The following PSMD1 variants were observed in gnomAD, a reference collection of about 807,000 sequenced individuals.
PSMD1 encodes the protein proteasome 26S subunit, non-ATPase 1.
Under a neutral mutation model 119.0 loss-of-function variants are expected in PSMD1, and 18 were observed. That is an observed-to-expected ratio of 0.15 (90% CI 0.10 to 0.22). The LOEUF is 0.22. PSMD1 is among the 10% of genes least tolerant of loss of function. PSMD1 has a pLI of 1.00. For synonymous variants in PSMD1, 374 were observed against 396.6 expected (o/e 0.94, Z 0.68); for missense variants, 702 against 1,158.5 (o/e 0.61, Z 5.72).
chr2:231,098,620 C>T (rs1694786613), intron 16 of PSMD1, among the ~76,000 whole-genome samples: 1 of 151,918 alleles, frequency 6.6e-6, no homozygotes, highest in Non-Finnish European at 1.5e-5. Context: ...GCCACTTATG[C>T]TGCTGTTCTC....
chr2:231,062,781 A>G (rs1693791898), intron 4 of PSMD1, 106 bp downstream of exon 4: 2 of 967,028 alleles, frequency 2.1e-6, no homozygotes, highest in Non-Finnish European at 1.4e-6. Context: ...TTTCATTTTA[A>G]TTGGAAGTTC....
rs377482540 is a variant in PSMD1 at position 231,080,302 on chromosome 2, C to T, written c.1401C>T (p.Asn467=). 1.2e-4 allele frequency: 197 copies of T among 1,601,992 alleles called. 1 individual carries two copies. The highest frequency in any genetic ancestry group is 1.5e-4 in the Non-Finnish European group (174 of 1,173,316). ...ACTATCTGCTTAATCAGCTTAAGAA[C>T]GCCAGCAATGATGTAAGTATTAAAA... ...IIDYLLNQLK[N]ASNDIVRHGG... The change falls in exon 12 of 25, where the codon AAC becomes AAT. Residue 467 remains asparagine (N), a synonymous_variant. Transcript: ENST00000308696.
intron 10 of PSMD1, 108 bp downstream of exon 10, chr2:231,078,855 T>C (rs1694237531): frequency 1.4e-6 from 1 of 739,454 alleles, no homozygotes; most frequent in Non-Finnish European, 2.0e-6. Context: ...AGGGCAGTGA[T>C]GCGATCTCGG....
Position 231,056,969 on chromosome 2 carries a change from G to C in PSMD1, c.-57G>C. On this transcript the variant is annotated 5_prime_UTR_variant, in exon 1 of 25. Coordinates refer to ENST00000308696, the MANE Select transcript of PSMD1 (RefSeq NM_002807.4). ...GAACTGAGCGGCCCCTGAGCTGACA[G>C]ATACACTGCGCAGCTGGAACGGCGA... The C allele has an allele frequency of 1.9e-6, 3 of 1,539,632 alleles. No individual in the cohort carries two copies. Among genetic ancestry groups the C allele is most frequent in the South Asian group, 1.2e-5 (1 of 83,904 alleles).
At chr2:231,091,837 G>C (rs1559226594) in intron 16 of PSMD1, among the ~76,000 whole-genome samples, 1 of 152,112 alleles carries the variant, frequency 6.6e-6, no homozygotes, top group Non-Finnish European at 1.5e-5. Context: ...ACTATGTATT[G>C]GTTGATTCCA....
intron 19 of PSMD1, 63 bp downstream of exon 19, chr2:231,153,729 G>C (rs959479040): frequency 8.7e-7 from 1 of 1,150,260 alleles, no homozygotes; most frequent in African/African-American, 1.6e-5. Context: ...ATAACTATCT[G>C]CTCTAACTAT....
intron 21 of PSMD1, 158 bp from the exon 22 acceptor site, chr2:231,165,027 TATATATTTATATATA>T (rs1696730299): frequency 3.3e-5 from 1 of 30,244 alleles, no homozygotes; most frequent in African/African-American, 1.3e-4. Flanking sequence ...CTTTGATTTA[TATATATTTATATATA>T]TATATATATA....
intron 2 of PSMD1, among the ~76,000 whole-genome samples, chr2:231,062,034 A>G (rs1173724142): frequency 6.6e-6 from 1 of 152,230 alleles, no homozygotes; most frequent in African/African-American, 2.4e-5. Context: ...TTAATTGTTT[A>G]TATTCAAAGA....
chr2:231,070,610 AT>A (rs1278113663), intron 6 of PSMD1, among the ~76,000 whole-genome samples: 1 of 152,104 alleles, frequency 6.6e-6, no homozygotes, highest in Non-Finnish European at 1.5e-5. Flanking sequence ...CTATATATAA[AT>A]TTGCTTGCAC....
intron 19 of PSMD1, among the ~76,000 whole-genome samples, chr2:231,155,323 G>A (rs1231932763): frequency 6.6e-6 from 1 of 152,064 alleles, no homozygotes; most frequent in Non-Finnish European, 1.5e-5. Context: ...AGTCAACTAG[G>A]AATGTGTGTA....
chr2:231,087,270 A>G (rs1046490089), intron 16 of PSMD1, 89 bp downstream of exon 16: 2 of 1,121,218 alleles, frequency 1.8e-6, no homozygotes, highest in South Asian at 1.3e-5. Flanking sequence ...CAGTTTAGTC[A>G]CTAAACAAAA....
chr2:231,083,045 T>C (rs1694351302), intron 13 of PSMD1, 51 bp downstream of exon 13: 2 of 1,316,132 alleles, frequency 1.5e-6, no homozygotes, highest in Non-Finnish European at 2.1e-6. Context: ...TTAATGTAAA[T>C]GTAATTACAT....
intron 16 of PSMD1, among the ~76,000 whole-genome samples, chr2:231,111,564 A>G (rs1695157344): frequency 6.6e-6 from 1 of 152,254 alleles, no homozygotes; most frequent in South Asian, 2.1e-4. Context: ...TAAATCCAAA[A>G]GAAGAGAGTG....
intron 16 of PSMD1, among the ~76,000 whole-genome samples, chr2:231,089,917 C>T (rs115077230): frequency 0.022 from 3,296 of 152,258 alleles, 131 homozygotes; most frequent in African/African-American, 0.075. Flanking sequence ...CCTTTGGCAG[C>T]GCCCTCACAG....
At chr2:231,069,636 T>A (rs528391006) in intron 5 of PSMD1, among the ~76,000 whole-genome samples, 1 of 152,290 alleles carries the variant, frequency 6.6e-6, no homozygotes, top group South Asian at 2.1e-4. Context: ...CAGTAAGTCA[T>A]GAGGGAGTCT....
At chr2:231,084,888 CAA>C (rs1046119290) in intron 14 of PSMD1, 129 bp from the exon 15 acceptor site, 1 of 675,308 alleles carries the variant, frequency 1.5e-6, no homozygotes, top group Non-Finnish European at 2.6e-6. Flanking sequence ...CTACCAACCA[CAA>C]AAGAGTTATT....
At position 231,111,329 on chromosome 2, in the gene PSMD1, A is replaced by C. The variant is rs372819619; in HGVS notation, c.1883+24148A>C. On this transcript the variant is annotated intron_variant, in intron 16 of 24. Transcript: ENST00000308696. ...AGAACTTCTGTTTCCTGTTATTTTT[A>C]TCTCTAGTTCATTCATTCATCTCAG... Among the ~76,000 whole-genome samples the C allele has an allele frequency of 5.7e-4, 86 of 152,102 alleles. 1 individual carries two copies. The South Asian group carries it at 8.7e-3, about 15-fold the overall frequency.
intron 16 of PSMD1, among the ~76,000 whole-genome samples, chr2:231,132,927 G>T (rs909687868): frequency 6.6e-6 from 1 of 152,230 alleles, no homozygotes; most frequent in African/African-American, 2.4e-5. Flanking sequence ...TGAGGGAACA[G>T]AATGATTAAA....
chr2:231,170,555 T>C lies in PSMD1; in HGVS notation c.2716-11T>C. On this transcript the variant is annotated splice_polypyrimidine_tract_variant and intron_variant, in intron 23 of 24. Coordinates refer to ENST00000308696, the MANE Select transcript of PSMD1 (RefSeq NM_002807.4). The surrounding 1 kb of genome is among the most constrained non-coding windows in gnomAD (Gnocchi z 4.1). The stretch of plus-strand genomic sequence containing the variant: ...ATGAGTGTACGCTTCTGCACGCCCC[T>C]GTGTTTCCAGCTCTCTATTGGAGGC... The C allele has an allele frequency of 1.2e-6, 2 of 1,605,596 alleles. No homozygotes were observed. Among genetic ancestry groups the C allele is most frequent in the African/African-American group, 1.3e-5 (1 of 74,502 alleles).
Sources: gnomAD v4.1 joint callset for allele counts (sites outside exome capture counted in the v4.1 genomes callset) on GRCh38, gnomAD v4.1.1 for gene constraint, Gnocchi (gnomAD v3.1) non-coding constraint, MANE v1.5 for transcripts, NCBI Gene and HGNC (gene_info 2026-07-23, HGNC 2026-07-21) for gene names.